Variants in DNAJB6 observed in about 807,000 individuals in gnomAD.
DNAJB6 encodes the protein DnaJ heat shock protein family (Hsp40) member B6.
In DNAJB6, 16 loss-of-function variants were observed where a neutral mutation model predicts 42.7. The observed-to-expected ratio is 0.37, with a 90% CI of 0.25 to 0.57. The LOEUF (loss-of-function observed/expected upper bound fraction) is 0.57. Among genes scored for constraint, DNAJB6 ranks in the 20% least tolerant of loss-of-function variants. The probability of loss-of-function intolerance (pLI) is 0.74; values close to 1 mark genes in which losing one functional copy is unlikely to be tolerated. For synonymous variants in DNAJB6, 170 were observed against 163.5 expected, an observed-to-expected ratio of 1.04 and a Z score of -0.30; for missense variants, 347 against 416.8, an observed-to-expected ratio of 0.83 and a Z score of 1.46.
At chr7:157,404,676 A>G (rs1274806716) in intron 8 of DNAJB6, among the ~76,000 whole-genome samples, 1 of 150,970 alleles carries the variant, frequency 6.6e-6, no homozygotes, top group African/African-American at 2.4e-5. Context: ...ACACCCGACT[A>G]ATTTTTGTAT....
intron 5 of DNAJB6, chr7:157,369,158 T>C (rs935382145): frequency 9.9e-6 from 4 of 402,116 alleles, no homozygotes; most frequent in Non-Finnish European, 2.0e-5. Flanking sequence ...GTGCTCATCG[T>C]TTAAGTGCAT....
intron 8 of DNAJB6, among the ~76,000 whole-genome samples, chr7:157,408,362 C>T (rs1030290690): frequency 6.6e-6 from 1 of 152,192 alleles, no homozygotes; most frequent in South Asian, 2.1e-4. Flanking sequence ...AGGCCTGCGC[C>T]TCCTCTTGGG....
At chr7:157,352,022 AAAAC>A (rs1403889167) in intron 1 of DNAJB6, among the ~76,000 whole-genome samples, 1 of 151,732 alleles carries the variant, frequency 6.6e-6, no homozygotes, top group African/African-American at 2.4e-5. Flanking sequence ...AACAAACAAA[AAAAC>A]AAAACTTCTC....
chr7:157,374,835 T>C (rs1030452218), intron 5 of DNAJB6, among the ~76,000 whole-genome samples: 2 of 152,254 alleles, frequency 1.3e-5, no homozygotes, highest in African/African-American at 2.4e-5. Context: ...TTTCCTCCCT[T>C]GTATTTTGTG....
At chr7:157,359,882 C>T (rs764246403) in intron 2 of DNAJB6, among the ~76,000 whole-genome samples, 17 of 152,190 alleles carry the variant, frequency 1.1e-4, no homozygotes, top group Non-Finnish European at 1.6e-4. Flanking sequence ...TGCCGAGGAA[C>T]CTAGTAGAAG....
chr7:157,375,296 A>C (rs1335183074), intron 5 of DNAJB6, among the ~76,000 whole-genome samples: 1 of 152,204 alleles, frequency 6.6e-6, no homozygotes, highest in Non-Finnish European at 1.5e-5. Context: ...TTCCCTGAGC[A>C]ATGAGGACTG....
intron 3 of DNAJB6, 43 bp from the exon 4 acceptor site, chr7:157,366,459 T>TC (rs1351976745): frequency 6.3e-7 from 1 of 1,577,274 alleles, no homozygotes; most frequent in Non-Finnish European, 8.7e-7. Context: ...AATTAAGGGT[T>TC]TAAAAGGAAC....
intron 5 of DNAJB6, among the ~76,000 whole-genome samples, chr7:157,368,321 GAAC>G (rs1799942850): frequency 6.6e-6 from 1 of 152,164 alleles, no homozygotes; most frequent in South Asian, 2.1e-4. Context: ...GTTTCCCATT[GAAC>G]AACCAATTGG....
At chr7:157,341,667 A>G (rs890112232) in intron 1 of DNAJB6, among the ~76,000 whole-genome samples, 1 of 152,140 alleles carries the variant, frequency 6.6e-6, no homozygotes, top group South Asian at 2.1e-4. Flanking sequence ...GGCATGTACC[A>G]CTTGGGTGGG....
chr7:157,361,516 G>C (rs941647722), intron 2 of DNAJB6, among the ~76,000 whole-genome samples: 19 of 152,160 alleles, frequency 1.2e-4, no homozygotes, highest in Non-Finnish European at 2.1e-4. Flanking sequence ...CTGGACTCCA[G>C]CTTTAATCAG....
rs973173085 is a variant in DNAJB6, at chr7:157,337,538, C to T, written c.-27+394C>T. ...TGGAGCGCCTTCTTTTTCTAAGGCT[C>T]CCGCACTCGCGTCTGAAACCAGAAA... is the stretch of plus-strand genomic sequence containing the variant. On this transcript the variant is annotated intron_variant, in intron 1 of 9. Coordinates refer to ENST00000262177, the MANE Select transcript of DNAJB6 (RefSeq NM_058246.4). The T allele has an allele frequency of 2.0e-5, 3 of 152,190 alleles. No homozygotes were observed. The East Asian group carries it at 5.8e-4, about 29-fold the overall frequency. 9.4% of individuals were successfully genotyped at this position (152,190 alleles called of 1,614,324 possible). A position where few individuals can be genotyped will look rare whatever the true frequency, so the allele number is the denominator to read the frequency against.
intron 5 of DNAJB6, 115 bp from the exon 6 acceptor site, chr7:157,382,131 A>T (rs1800812144): frequency 8.4e-7 from 1 of 1,195,822 alleles, no homozygotes. Context: ...AAAACCTCTT[A>T]AGTTTTTTGT....
chr7:157,396,380 G>T (rs191632259), intron 8 of DNAJB6, among the ~76,000 whole-genome samples: 57 of 152,324 alleles, frequency 3.7e-4, no homozygotes, highest in Non-Finnish European at 5.9e-4. Context: ...CTAGGGTTCC[G>T]TTTATAAAGA....
intron 8 of DNAJB6, among the ~76,000 whole-genome samples, chr7:157,409,232 C>T (rs1795882327): frequency 6.6e-6 from 1 of 152,150 alleles, no homozygotes; most frequent in Non-Finnish European, 1.5e-5. Context: ...GCCGGCCCGT[C>T]TTGGGTGTGT....
At chr7:157,349,442 G>A (rs976318742) in intron 1 of DNAJB6, among the ~76,000 whole-genome samples, 11 of 152,028 alleles carry the variant, frequency 7.2e-5, no homozygotes, top group African/African-American at 2.2e-4. Context: ...AGGCAGGACC[G>A]TGACCCCAGG....
At chr7:157,341,411 A>C (rs35207522) in intron 1 of DNAJB6, among the ~76,000 whole-genome samples, 83,322 of 152,000 alleles carry the variant, frequency 0.55, 23,214 homozygotes, top group East Asian at 0.76. Flanking sequence ...GGTGTGAGCC[A>C]CTGCGCCAGG....
chr7:157,410,022 G>A (rs1289623480), intron 9 of DNAJB6, 21 bp downstream of exon 9: 2 of 1,514,392 alleles, frequency 1.3e-6, no homozygotes, highest in Non-Finnish European at 1.8e-6. Flanking sequence ...GGAGGCAGCC[G>A]TGGAGCAGGC....
At chr7:157,403,472 TTTG>T (rs1563149871) in intron 8 of DNAJB6, among the ~76,000 whole-genome samples, 1 of 152,152 alleles carries the variant, frequency 6.6e-6, no homozygotes, top group Non-Finnish European at 1.5e-5. Flanking sequence ...GGCTTTTTTG[TTTG>T]TTTTTTTTGA....
In DNAJB6 at chr7:157,399,304, C is replaced by T. The variant is rs1484827755; in HGVS notation, c.692-10491C>T. Among the ~76,000 whole-genome samples, 3 of 152,190 alleles carry T rather than the reference C, an allele frequency of 2.0e-5. No homozygotes were observed. In the South Asian group the frequency reaches 6.2e-4, roughly 31 times the overall value. The stretch of plus-strand genomic sequence containing the variant: ...GCTCATGCCTAGAAGGGAGGTCTTT[C>T]GCCTCCTGATGAGTAGGTGCCAGGA... On this transcript the variant is annotated intron_variant, in intron 8 of 9. Transcript: ENST00000262177.
Sources: allele counts gnomAD v4.1 joint callset (sites outside exome capture counted in the v4.1 genomes callset), GRCh38; gene constraint gnomAD v4.1.1; transcripts MANE v1.5; gene names NCBI Gene and HGNC (gene_info 2026-07-23, HGNC 2026-07-21).